RASA1: variants seen among roughly 807,000 people sequenced by gnomAD.
RASA1 encodes the protein ras GTPase-activating protein 1.
A neutral mutation model predicts 132.2 loss-of-function variants in RASA1; 25 were observed. The observed-to-expected ratio is 0.19, with a 90% CI of 0.14 to 0.26. The LOEUF (loss-of-function observed/expected upper bound fraction) is 0.26. Ranked by LOEUF, RASA1 falls within the 10% of genes least tolerant of loss-of-function variation. The probability of loss-of-function intolerance (pLI) is 1.00; values close to 1 mark genes in which losing one functional copy is unlikely to be tolerated. For missense variants in RASA1, 964 were observed against 1,299.2 expected, an observed-to-expected ratio of 0.74 and a Z score of 3.97; for synonymous variants, 477 against 449.9, an observed-to-expected ratio of 1.06 and a Z score of -0.76.
Position 87,374,286 on chromosome 5 carries a change from C to G in RASA1, c.1900C>G (p.Gln634Glu). 6.2e-7 allele frequency: 1 copy of G among 1,605,094 alleles called. No individual in the cohort carries two copies. Among genetic ancestry groups the G allele is most frequent in the South Asian group, 1.1e-5 (1 of 90,540 alleles). The change falls in exon 14 of 25, where the codon CAA (glutamine) becomes GAA (glutamate). Residue 634 changes from glutamine to glutamate, a missense_variant. Coordinates refer to ENST00000274376, the MANE Select transcript of RASA1 (RefSeq NM_002890.3). ...AGCAAAAACTCATGCAAGGGAAGGG[C>G]AAAACCCAGTATGGTCAGAAGAGTT... The part of the protein sequence containing the change: ...QVAKTHAREG[Q>E]NPVWSEEFVF...
At chr5:87,362,461 C>T (rs934262116) in intron 9 of RASA1, 90 bp from the exon 10 acceptor site, 35 of 1,301,800 alleles carry the variant, frequency 2.7e-5, no homozygotes, top group African/African-American at 4.4e-5. Flanking sequence ...GTATTTTAAG[C>T]GCTTTGGCTT....
At position 87,391,344 on chromosome 5, in the gene RASA1, A is replaced by G. The variant is rs1424194605; in HGVS notation, c.*461A>G. ...TACTGTAACTACTTCCTGATTAGGA[A>G]TATGACCATTTGACTGTTCAATGAT... On this transcript the variant is annotated 3_prime_UTR_variant, in exon 25 of 25. Transcript: ENST00000274376. The G allele has an allele frequency of 6.7e-6, 2 of 299,436 alleles. No individual in the cohort carries two copies. Among genetic ancestry groups the G allele is most frequent in the African/African-American group, 4.2e-5 (2 of 47,740 alleles). The allele number at this position is 299,436 out of a possible 1,614,324, so 18.5% of individuals were successfully genotyped here.
At chr5:87,314,180 A>G (rs936566212) in intron 1 of RASA1, among the ~76,000 whole-genome samples, 5 of 152,054 alleles carry the variant, frequency 3.3e-5, no homozygotes, top group African/African-American at 1.2e-4. Context: ...TCTCAAAAAG[A>G]TAAAAAATAA....
At position 87,390,962 on chromosome 5, in the gene RASA1, C is replaced by T. The variant is rs1762470646; in HGVS notation, c.*79C>T. ...ACTTCAGTTTAATGTCTCCTTTGCT[C>T]TTGCCAAAAAATAGCACACTTTTCC... On this transcript the variant is annotated 3_prime_UTR_variant, in exon 25 of 25. Transcript: ENST00000274376. 7 of 1,412,922 alleles carry T rather than the reference C, an allele frequency of 5.0e-6. No individual in the cohort carries two copies. Among genetic ancestry groups the T allele is most frequent in the Non-Finnish European group, 7.0e-6 (7 of 1,000,560 alleles). The allele number at this position is 1,412,922 out of a possible 1,614,324, so 87.5% of individuals were successfully genotyped here. A position where few individuals can be genotyped will look rare whatever the true frequency, so the allele number is the denominator to read the frequency against.
At chr5:87,290,442 C>T (rs192084936) in intron 1 of RASA1, among the ~76,000 whole-genome samples, 3 of 152,324 alleles carry the variant, frequency 2.0e-5, no homozygotes, top group Admixed American at 2.0e-4. Context: ...CTGTTGACAT[C>T]CAGCACACTG....
intron 11 of RASA1, among the ~76,000 whole-genome samples, chr5:87,364,052 T>G (rs1760320218): frequency 6.6e-6 from 1 of 152,262 alleles, no homozygotes; most frequent in Non-Finnish European, 1.5e-5. Flanking sequence ...ACATCTAGAT[T>G]TTTTTCTCAA....
Position 87,374,285 on chromosome 5 carries a change from G to A in RASA1, c.1899G>A (p.Gly633=). ...VQVAKTHARE[G]QNPVWSEEFV... is the part of the protein sequence containing the mutation. Reference sequence around the variant, plus strand: ...TAGCAAAAACTCATGCAAGGGAAGGGCAAAACCCAGTATGGTCAGAAGAGT... The same window carrying A: ...TAGCAAAAACTCATGCAAGGGAAGGACAAAACCCAGTATGGTCAGAAGAGT... Residue 633 remains glycine (G), a synonymous_variant, in exon 14 of 25, where the codon GGG becomes GGA. Coordinates refer to ENST00000274376, the MANE Select transcript of RASA1 (RefSeq NM_002890.3). 6.2e-7 allele frequency: 1 copy of A among 1,605,072 alleles called. No individual in the cohort carries two copies. The highest frequency in any genetic ancestry group is 8.5e-7 in the Non-Finnish European group (1 of 1,174,880).
intron 5 of RASA1, among the ~76,000 whole-genome samples, chr5:87,339,237 T>TA (rs2112392051): frequency 6.6e-6 from 1 of 152,222 alleles, no homozygotes; most frequent in African/African-American, 2.4e-5. Flanking sequence ...TCCATAGAAG[T>TA]AAAACATACT....
intron 1 of RASA1, among the ~76,000 whole-genome samples, chr5:87,301,276 G>A (rs1347347649): frequency 6.6e-6 from 1 of 152,246 alleles, no homozygotes; most frequent in East Asian, 1.9e-4. Context: ...TCCCTTTAGT[G>A]TTGAAATGAA....
intron 15 of RASA1, among the ~76,000 whole-genome samples, chr5:87,375,432 T>C (rs2112488491): frequency 6.6e-6 from 1 of 152,230 alleles, no homozygotes; most frequent in Middle Eastern, 3.4e-3. Flanking sequence ...GGCTAAGTTT[T>C]GTATTTTTAG....
At chr5:87,324,475 T>C (rs1452076285) in intron 1 of RASA1, among the ~76,000 whole-genome samples, 1 of 152,210 alleles carries the variant, frequency 6.6e-6, no homozygotes, top group African/African-American at 2.4e-5. Context: ...ATGTTAGTCT[T>C]TTAGTGAATT....
At chr5:87,358,904 C>G (rs2112446487) in intron 9 of RASA1, among the ~76,000 whole-genome samples, 1 of 152,232 alleles carries the variant, frequency 6.6e-6, no homozygotes, top group East Asian at 1.9e-4. Flanking sequence ...TAGCCTCACT[C>G]TTACATCTTT....
At chr5:87,376,737 A>C (rs1761353144) in intron 16 of RASA1, 144 bp from the exon 17 acceptor site, 10 of 1,200,898 alleles carry the variant, frequency 8.3e-6, no homozygotes, top group Non-Finnish European at 1.2e-5. Context: ...GTAGACTACG[A>C]ATTCATTCTA....
chr5:87,295,822 G>GTTT (rs113516676), intron 1 of RASA1, among the ~76,000 whole-genome samples: 1 of 141,664 alleles, frequency 7.1e-6, no homozygotes, highest in African/African-American at 2.6e-5. Flanking sequence ...TCTAGTTTTG[G>GTTT]TTTTTTTTTT....
chr5:87,390,776 T>C, intron 24 of RASA1, 24 bp from the exon 25 acceptor site: 1 of 1,586,518 alleles, frequency 6.3e-7, no homozygotes, highest in Non-Finnish European at 8.7e-7. Flanking sequence ...TCATTTATTT[T>C]CATACCATTT....
chr5:87,268,320 T>C lies in RASA1; in HGVS notation c.-132T>C, dbSNP rs1460280449. 9.4e-7 allele frequency: 1 copy of C among 1,068,342 alleles called. No homozygotes were observed. Among genetic ancestry groups the C allele is most frequent in the Admixed American group, 3.2e-5 (1 of 31,560 alleles). 66.2% of individuals were successfully genotyped at this position (1,068,342 alleles called of 1,614,324 possible). On this transcript the variant is annotated 5_prime_UTR_variant, in exon 1 of 25. Transcript: ENST00000274376. The stretch of plus-strand genomic sequence containing the variant: ...GGGGGCGCGGCGGCGGGCTCTCTCC[T>C]TTTGTTGTTGTTTCCTCAGCCTGGG...
intron 1 of RASA1, chr5:87,331,085 A>G: frequency 1.0e-6 from 1 of 970,544 alleles, no homozygotes; most frequent in South Asian, 1.7e-5. Context: ...TCCTGGAAGT[A>G]GGGAGATGGG....
chr5:87,382,235 G>A (rs1761769699), intron 20 of RASA1, among the ~76,000 whole-genome samples: 1 of 152,176 alleles, frequency 6.6e-6, no homozygotes, highest in Non-Finnish European at 1.5e-5. Flanking sequence ...ACAGGCATGA[G>A]CCACCATGCC....
intron 3 of RASA1, 112 bp downstream of exon 3, chr5:87,332,754 A>G: frequency 8.9e-7 from 1 of 1,119,140 alleles, no homozygotes; most frequent in Non-Finnish European, 1.3e-6. Context: ...TATTTGTTGT[A>G]TTAAATTTTA....
Sources: allele counts gnomAD v4.1 joint callset (sites outside exome capture counted in the v4.1 genomes callset), GRCh38; gene constraint gnomAD v4.1.1; transcripts MANE v1.5; gene names NCBI Gene and HGNC (gene_info 2026-07-23, HGNC 2026-07-21).